Variants in FOCAD observed in about 807,000 individuals in gnomAD.
The protein encoded by FOCAD is KIAA1797.
Under a neutral mutation model 225.6 loss-of-function variants are expected in FOCAD, and 198 were observed. The ratio of observed to expected loss-of-function variants is 0.88; its 90% CI spans 0.78 to 0.99. The LOEUF (loss-of-function observed/expected upper bound fraction) is 0.99, where lower values mean the gene tolerates loss of function less well. Among genes scored for constraint, FOCAD ranks in the 50% least tolerant of loss-of-function variants. The probability of loss-of-function intolerance (pLI) is 0.00; values close to 1 mark genes in which losing one functional copy is unlikely to be tolerated. For synonymous variants in FOCAD, 897 were observed against 755.0 expected (o/e 1.19, Z -3.08); for missense variants, 2,713 against 2,123.6 (o/e 1.28, Z -5.46).
chr9:20,846,357 C>G (rs895374355), intron 15 of FOCAD, among the ~76,000 whole-genome samples: 1 of 152,088 alleles, frequency 6.6e-6, no homozygotes, highest in Admixed American at 6.6e-5. Context: ...AAGCTTAAAA[C>G]CAGAGCCAAC....
At chr9:20,798,054 G>A (rs1821333435) in intron 11 of FOCAD, among the ~76,000 whole-genome samples, 1 of 152,206 alleles carries the variant, frequency 6.6e-6, no homozygotes, top group African/African-American at 2.4e-5. Flanking sequence ...TTTTTAGCAT[G>A]AAGCATTGTT....
At chr9:20,924,065 T>TA (rs772149918) in intron 25 of FOCAD, among the ~76,000 whole-genome samples, 2 of 152,238 alleles carry the variant, frequency 1.3e-5, no homozygotes, top group East Asian at 1.9e-4. Flanking sequence ...TAACTAGGCT[T>TA]ACTGAAAGTG....
intron 37 of FOCAD, among the ~76,000 whole-genome samples, chr9:20,981,185 G>T (rs1840665723): frequency 6.6e-6 from 1 of 152,122 alleles, no homozygotes; most frequent in Non-Finnish European, 1.5e-5. Flanking sequence ...TTCACAGATG[G>T]GTTGGCAGAT....
intron 2 of FOCAD, among the ~76,000 whole-genome samples, chr9:20,659,440 A>AAGAAAGAAAGAAAGAAAGAC (rs71334544): frequency 0.049 from 7,142 of 145,038 alleles, 213 homozygotes; most frequent in East Asian, 0.075. Context: ...GAAAGAAAGA[A>AAGAAAGAAAGAAAGAAAGAC]AGACAGACAG....
At chr9:20,832,352 G>A (rs779888421) in intron 15 of FOCAD, among the ~76,000 whole-genome samples, 3 of 151,882 alleles carry the variant, frequency 2.0e-5, no homozygotes, top group Non-Finnish European at 4.4e-5. Context: ...CTCCTGGATA[G>A]ATGTTACCAC....
upstream of FOCAD, chr9:20,683,995 T>C (rs1264732210): frequency 6.6e-6 from 1 of 152,264 alleles, no homozygotes; most frequent in Non-Finnish European, 1.5e-5. Context: ...TTGGGCTAAC[T>C]CCTCACTGCG....
rs769447010 is a variant in FOCAD, at chr9:20,978,353, C to A, written c.4276C>A (p.Gln1426Lys). Residue 1426 changes from glutamine (Q) to lysine (K), a missense_variant, in exon 37 of 44, where the codon CAA becomes AAA. Physicochemically the swap from Gln to Lys is moderately conservative, Grantham distance 53 (BLOSUM62 1). Coordinates refer to ENST00000338382, the MANE Select transcript of FOCAD (RefSeq NM_001375567.1). ...MRLNFGEEIQ[Q>K]LCLEIMVTQA... is the part of the protein sequence containing the mutation. ...TTGACTTTCAGGTGAAGAGATCCAGCAACTGTGCCTTGAAATTATGGTGAC... is the reference window on the plus strand; with the variant it reads ...TTGACTTTCAGGTGAAGAGATCCAGAAACTGTGCCTTGAAATTATGGTGAC... 4 of 1,603,790 alleles carry A rather than the reference C, an allele frequency of 2.5e-6. No homozygotes were observed. In the African/African-American group the frequency reaches 5.4e-5, roughly 21 times the overall value.
chr9:20,792,196 C>A (rs1340842996), intron 11 of FOCAD, among the ~76,000 whole-genome samples: 1 of 152,142 alleles, frequency 6.6e-6, no homozygotes, highest in Non-Finnish European at 1.5e-5. Flanking sequence ...TCCTATGTTT[C>A]TATCCATAAG....
At chr9:20,706,819 T>A (rs1269406994) in intron 1 of FOCAD, among the ~76,000 whole-genome samples, 1 of 152,218 alleles carries the variant, frequency 6.6e-6, no homozygotes, top group Non-Finnish European at 1.5e-5. Context: ...GTTCCAGGTA[T>A]GTAGCCGTGC....
At chr9:20,866,117 C>A in intron 17 of FOCAD, 141 bp downstream of exon 17, 1 of 713,562 alleles carries the variant, frequency 1.4e-6, no homozygotes, top group Non-Finnish European at 2.3e-6. Context: ...TGTGATTATT[C>A]ATAAGTTTTG....
chr9:20,673,648 G>T (rs1277935724), intron 2 of FOCAD, among the ~76,000 whole-genome samples: 2 of 152,112 alleles, frequency 1.3e-5, no homozygotes, highest in African/African-American at 2.4e-5. Flanking sequence ...AGGCTGGAGT[G>T]CAGTGGCGTG....
chr9:20,771,539 A>T (rs1176173648), intron 8 of FOCAD, among the ~76,000 whole-genome samples: 1 of 151,638 alleles, frequency 6.6e-6, no homozygotes, highest in Non-Finnish European at 1.5e-5. Context: ...CAGGCAGATT[A>T]TGTGAGGCCA....
At chr9:20,709,994 C>G (rs573109260) in intron 1 of FOCAD, among the ~76,000 whole-genome samples, 1 of 152,222 alleles carries the variant, frequency 6.6e-6, no homozygotes, top group South Asian at 2.1e-4. Flanking sequence ...ATTAGCCTAC[C>G]CAGCTGCTCA....
Position 20,723,334 on chromosome 9 carries a change from A to G in FOCAD, c.287+2800A>G, listed in dbSNP as rs1210267435. On this transcript the variant is annotated intron_variant, in intron 4 of 43. Coordinates refer to ENST00000338382, the MANE Select transcript of FOCAD (RefSeq NM_001375567.1). ...GAAACCCTGTCTCTACTAAAAATAC[A>G]AAAATTAGCCGGGCGTGGTGACTTA... 5.9e-5 allele frequency among the ~76,000 whole-genome samples: 9 copies of G among 152,188 alleles called. No homozygotes were observed. In the East Asian group the frequency reaches 1.3e-3, roughly 23 times the overall value.
At chr9:20,733,099 T>C (rs1563925069) in intron 4 of FOCAD, among the ~76,000 whole-genome samples, 2 of 152,158 alleles carry the variant, frequency 1.3e-5, no homozygotes, top group Non-Finnish European at 1.5e-5. Context: ...GATTAAAGTC[T>C]TTACCTTGAT....
Position 20,929,509 on chromosome 9 carries a change from C to G in FOCAD, c.3230C>G (p.Pro1077Arg). Residue 1077 changes from proline (P) to arginine (R), a missense_variant, in exon 27 of 44, where the codon CCA becomes CGA. Coordinates refer to ENST00000338382, the MANE Select transcript of FOCAD (RefSeq NM_001375567.1). ...CTGACTGCCAGGTTACCTGGGAAAC[C>G]AAGTGCTGATGAGTCTCAAGCCGTG... is the stretch of plus-strand genomic sequence containing the variant. ...NMLTARLPGK[P>R]SADESQAVQI... The G allele has an allele frequency of 6.2e-7, 1 of 1,614,134 alleles. No homozygotes were observed. The highest frequency in any genetic ancestry group is 8.5e-7 in the Non-Finnish European group (1 of 1,180,006).
chr9:20,920,869 C>T (rs201666051), intron 24 of FOCAD, among the ~76,000 whole-genome samples: 50,026 of 149,928 alleles, frequency 0.33, 8,760 homozygotes, highest in East Asian at 0.42. Flanking sequence ...TGCTAAATGA[C>T]GAGTTAGTGG....
intron 1 of FOCAD, among the ~76,000 whole-genome samples, chr9:20,693,176 T>C (rs1823079489): frequency 6.6e-6 from 1 of 152,168 alleles, no homozygotes; most frequent in Admixed American, 6.5e-5. Flanking sequence ...ACTCTCTCTC[T>C]CTTACTTAAT....
chr9:20,685,746 G>C (rs1822626544), intron 1 of FOCAD, among the ~76,000 whole-genome samples: 1 of 152,100 alleles, frequency 6.6e-6, no homozygotes, highest in Non-Finnish European at 1.5e-5. Context: ...CTTGGCTAAT[G>C]TTTATCAATA....
Sources: gnomAD v4.1 joint callset for allele counts (sites outside exome capture counted in the v4.1 genomes callset) on GRCh38, gnomAD v4.1.1 for gene constraint, MANE v1.5 for transcripts, NCBI Gene and HGNC (gene_info 2026-07-23, HGNC 2026-07-21) for gene names.